LRP8: variants seen among roughly 807,000 people sequenced by gnomAD.
LRP8 encodes the protein low-density lipoprotein receptor-related protein 8.
In LRP8, 46 loss-of-function variants were observed where a neutral mutation model predicts 111.6. The observed-to-expected ratio is 0.41, with a 90% CI of 0.33 to 0.53. The LOEUF is 0.53. Among genes scored for constraint, LRP8 ranks in the 20% least tolerant of loss-of-function variants. LRP8 has a pLI of 0.20. For missense variants in LRP8, 959 were observed against 1,297.4 expected, an observed-to-expected ratio of 0.74 and a Z score of 4.01; for synonymous variants, 464 against 511.2, an observed-to-expected ratio of 0.91 and a Z score of 1.24.
intron 2 of LRP8, among the ~76,000 whole-genome samples, chr1:53,325,554 A>C (rs904150274): frequency 7.2e-5 from 11 of 152,262 alleles, no homozygotes; most frequent in African/African-American, 2.4e-4. Flanking sequence ...CAGGAGGGAA[A>C]GATGTGCTAG....
intron 2 of LRP8, among the ~76,000 whole-genome samples, chr1:53,309,951 G>C (rs1439893960): frequency 6.6e-6 from 1 of 151,920 alleles, no homozygotes; most frequent in Admixed American, 6.5e-5. Flanking sequence ...CACCTACCCC[G>C]ACGCTTCACC....
chr1:53,267,652 TAG>T (rs1040227864), intron 8 of LRP8: 9 of 152,360 alleles, frequency 5.9e-5, no homozygotes, highest in East Asian at 1.9e-4. Flanking sequence ...ATATATGCAG[TAG>T]AGACAACATA....
chr1:53,323,918 C>T (rs1364494036), intron 2 of LRP8, among the ~76,000 whole-genome samples: 1 of 152,240 alleles, frequency 6.6e-6, no homozygotes, highest in Non-Finnish European at 1.5e-5. Context: ...CTCCAGGAAG[C>T]CTTTCTTGGC....
chr1:53,255,021 C>T, intron 16 of LRP8, 96 bp downstream of exon 16: 1 of 1,330,334 alleles, frequency 7.5e-7, no homozygotes, highest in East Asian at 2.3e-5. Context: ...CAGAACAAGT[C>T]AATAGGGCAG....
rs7553898 is a variant in LRP8, at chr1:53,249,196, T to C, written c.2853+184A>G. Among the ~76,000 whole-genome samples, 86 of 152,330 alleles carry C rather than the reference T, an allele frequency of 5.6e-4. No individual in the cohort carries two copies. Among genetic ancestry groups the C allele is most frequent in the African/African-American group, 2.0e-3 (85 of 41,570 alleles). ...CAATTCTGTCTGCCCTGCCCCAAAC[T>C]TGATTGCTTTCTTCCACATGCCATT... On this transcript the variant is annotated intron_variant, in intron 18 of 18. Coordinates refer to ENST00000306052, the MANE Select transcript of LRP8 (RefSeq NM_004631.5). This position sits in a 1 kb window ranked among gnomAD's most constrained non-coding sequence, Gnocchi z 4.1.
rs1171769194 is a variant in LRP8, at chr1:53,245,326, C to T, written c.*1692G>A. 1 of 152,172 alleles carries T rather than the reference C, an allele frequency of 6.6e-6. No individual in the cohort carries two copies. Among genetic ancestry groups the T allele is most frequent in the Non-Finnish European group, 1.5e-5 (1 of 68,038 alleles). 9.4% of individuals were successfully genotyped at this position (152,172 alleles called of 1,614,324 possible). On this transcript the variant is annotated 3_prime_UTR_variant, in exon 19 of 19. Transcript: ENST00000306052. ...AAACACTTCCATGTTGCACCTTGTC[C>T]CTGGTTGTCTAGTGGGAGTAAGTGG...
At chr1:53,322,070 A>G (rs551605845) in intron 2 of LRP8, among the ~76,000 whole-genome samples, 66 of 152,168 alleles carry the variant, frequency 4.3e-4, no homozygotes, top group African/African-American at 1.4e-3. Flanking sequence ...GCCTGCAAAG[A>G]CCAGACGTCA....
rs751954952 is a variant in LRP8, at chr1:53,280,723, G to T, written c.368-8C>A. On this transcript the variant is annotated splice_polypyrimidine_tract_variant and splice_region_variant and intron_variant, in intron 3 of 18. Transcript: ENST00000306052. ...CAGGACACACCTGCTTGGCTGTGGA[G>T]ACAGACGTCCATGCATAGCTTAGCC... 6.2e-7 allele frequency: 1 copy of T among 1,610,606 alleles called. No homozygotes were observed. Among genetic ancestry groups the T allele is most frequent in the South Asian group, 1.1e-5 (1 of 91,076 alleles).
intron 13 of LRP8, among the ~76,000 whole-genome samples, 185 bp from the exon 14 acceptor site, chr1:53,258,656 T>G (rs1646204796): frequency 6.6e-6 from 1 of 152,198 alleles, no homozygotes; most frequent in Non-Finnish European, 1.5e-5. Context: ...CGTTTTTTGT[T>G]ACATGGATGA....
At position 53,257,173 on chromosome 1, in the gene LRP8, T is replaced by G; in HGVS notation, c.2434+67A>C. Reference sequence around the variant, plus strand: ...CTCTGGTAGGTTCTGTCTTATCACATACCCCCTTCCTGGCTTCCCTAGGAG... The same window carrying G: ...CTCTGGTAGGTTCTGTCTTATCACAGACCCCCTTCCTGGCTTCCCTAGGAG... On this transcript the variant is annotated intron_variant, in intron 15 of 18. Coordinates refer to ENST00000306052, the MANE Select transcript of LRP8 (RefSeq NM_004631.5). 4.8e-6 allele frequency: 7 copies of G among 1,443,876 alleles called. No homozygotes were observed. In the South Asian group the frequency reaches 8.2e-5, roughly 17 times the overall value. The allele number at this position is 1,443,876 out of a possible 1,614,324, so 89.4% of individuals were successfully genotyped here.
intron 13 of LRP8, among the ~76,000 whole-genome samples, chr1:53,258,919 ATACTT>A (rs1453673217): frequency 7.9e-5 from 12 of 152,134 alleles, no homozygotes; most frequent in Admixed American, 7.9e-4. Flanking sequence ...CACTACTATC[ATACTT>A]TACTTAGAAT....
intron 10 of LRP8, among the ~76,000 whole-genome samples, chr1:53,263,608 T>C (rs1646431048): frequency 6.6e-6 from 1 of 152,108 alleles, no homozygotes; most frequent in African/African-American, 2.4e-5. Flanking sequence ...GGGGTAGGGA[T>C]GGAGGCAGGC....
intron 2 of LRP8, among the ~76,000 whole-genome samples, chr1:53,311,070 C>G (rs991007922): frequency 1.1e-4 from 16 of 152,184 alleles, no homozygotes; most frequent in African/African-American, 3.9e-4. Flanking sequence ...TGAGCTCCAG[C>G]CAGCAGATGC....
At chr1:53,288,534 T>TTC in intron 3 of LRP8, 1 of 151,052 alleles carries the variant, frequency 6.6e-6, no homozygotes, top group Non-Finnish European at 1.5e-5. Flanking sequence ...TCTTGCTCTG[T>TTC]TCTCTCTCTC....
chr1:53,297,446 C>T (rs548763586), intron 2 of LRP8, among the ~76,000 whole-genome samples: 5 of 152,300 alleles, frequency 3.3e-5, no homozygotes, highest in African/African-American at 4.8e-5. Context: ...CCAGCACCCG[C>T]GTGTGGTGGG....
In LRP8 at chr1:53,255,232, C is replaced by A. The variant is rs371412387; in HGVS notation, c.2435-47G>T. ...AGAATGATGCTCTATCACTGTGTGT[C>A]CAAGCCCCTACTGGCCTCAAGTGGT... is the stretch of plus-strand genomic sequence containing the variant. On this transcript the variant is annotated intron_variant, in intron 15 of 18. Coordinates refer to ENST00000306052, the MANE Select transcript of LRP8 (RefSeq NM_004631.5). 5.1e-6 allele frequency: 8 copies of A among 1,569,792 alleles called. No homozygotes were observed. In the African/African-American group the frequency reaches 1.1e-4, roughly 21 times the overall value.
chr1:53,253,608 G>A (rs1645970414), intron 16 of LRP8, among the ~76,000 whole-genome samples: 1 of 152,132 alleles, frequency 6.6e-6, no homozygotes, highest in Non-Finnish European at 1.5e-5. Context: ...CAGCAAAACA[G>A]CATATATCTG....
At chr1:53,316,944 C>A (rs1287759478) in intron 2 of LRP8, among the ~76,000 whole-genome samples, 1 of 152,130 alleles carries the variant, frequency 6.6e-6, no homozygotes, top group Non-Finnish European at 1.5e-5. Context: ...AGGCGGGGAG[C>A]TCTGGCTTGG....
Position 53,250,744 on chromosome 1 carries a change from G to A in LRP8, c.2622C>T (p.Asp874=), listed in dbSNP as rs3737983. The change falls in exon 17 of 19, where the codon GAC becomes GAT. Residue 874 remains aspartate (D), a synonymous_variant. Coordinates refer to ENST00000306052, the MANE Select transcript of LRP8 (RefSeq NM_004631.5). This position sits in a 1 kb window ranked among gnomAD's most constrained non-coding sequence, Gnocchi z 4.6. ...PVYRKTTEEE[D]EDELHIGRTA... ...TTCTCCCTATATGGAGCTCATCTTC[G>A]TCTTCTTCTTCTGTTGTTTTCCTGT... The A allele has an allele frequency of 0.41, 661,428 of 1,612,428 alleles. 141,610 individuals carry two copies. The highest frequency in any genetic ancestry group is 0.72 in the East Asian group (32,227 of 44,848).
Sources: gnomAD v4.1 joint callset for allele counts (sites outside exome capture counted in the v4.1 genomes callset) on GRCh38, gnomAD v4.1.1 for gene constraint, Gnocchi (gnomAD v3.1) non-coding constraint, MANE v1.5 for transcripts, NCBI Gene and HGNC (gene_info 2026-07-23, HGNC 2026-07-21) for gene names.